Variants in GBF1 observed in about 807,000 individuals in gnomAD.
GBF1 encodes golgi brefeldin A resistant guanine nucleotide exchange factor 1, also known as Golgi-specific brefeldin A-resistance guanine nucleotide exchange factor 1.
Under a neutral mutation model 210.5 loss-of-function variants are expected in GBF1, and 114 were observed. The observed-to-expected ratio is 0.54, with a 90% CI of 0.47 to 0.63. The LOEUF is 0.63. GBF1 is among the 30% of genes least tolerant of loss of function. GBF1 has a pLI of 0.00. For missense variants in GBF1, 1,851 were observed against 2,357.7 expected (o/e 0.79, Z 4.45); for synonymous variants, 850 against 889.2 (o/e 0.96, Z 0.78).
chr10:102,355,687 A>T (rs527856050), intron 8 of GBF1, among the ~76,000 whole-genome samples: 1 of 152,312 alleles, frequency 6.6e-6, no homozygotes, highest in South Asian at 2.1e-4. Context: ...TCAATGACTG[A>T]CTGGCTTCTC....
intron 13 of GBF1, 164 bp downstream of exon 13, chr10:102,361,284 G>A (rs988950325): frequency 1.0e-5 from 6 of 596,892 alleles, no homozygotes; most frequent in Non-Finnish European, 6.0e-6. Flanking sequence ...GGCCTCTTTT[G>A]TGGAAAAGTT....
chr10:102,351,216 C>T, intron 4 of GBF1, 40 bp from the exon 5 acceptor site: 1 of 1,109,554 alleles, frequency 9.0e-7, no homozygotes, highest in Middle Eastern at 2.0e-4. Context: ...TATCTCTCTC[C>T]TCTCCACATC....
At chr10:102,338,524 G>A (rs1396463353) in intron 3 of GBF1, among the ~76,000 whole-genome samples, 1 of 151,958 alleles carries the variant, frequency 6.6e-6, no homozygotes. Flanking sequence ...GATTAGAGGT[G>A]TGAGCCACTG....
intron 3 of GBF1, among the ~76,000 whole-genome samples, chr10:102,270,786 G>T (rs961885012): frequency 2.0e-5 from 3 of 152,054 alleles, no homozygotes; most frequent in Non-Finnish European, 4.4e-5. Context: ...AACTTTTATA[G>T]CTATAATTGG....
chr10:102,304,989 AAAAGAAAGAAAGAAAG>A (rs141632616), intron 3 of GBF1, among the ~76,000 whole-genome samples: 6 of 148,704 alleles, frequency 4.0e-5, no homozygotes, highest in South Asian at 2.1e-4. Context: ...CTCTTAAAAA[AAAAGAAAGAAAGAAAG>A]AAAGAAAGAA....
At chr10:102,380,875 G>T (rs778868234) in intron 38 of GBF1, among the ~76,000 whole-genome samples, 189 bp downstream of exon 38, 1 of 152,160 alleles carries the variant, frequency 6.6e-6, no homozygotes, top group African/African-American at 2.4e-5. Context: ...AGGTGTGGCG[G>T]TGGGTGCCTG....
chr10:102,243,305 A>G (rs1394240594), upstream of GBF1, among the ~76,000 whole-genome samples: 3 of 152,188 alleles, frequency 2.0e-5, no homozygotes, highest in Non-Finnish European at 2.9e-5. Context: ...GGATCAGCTT[A>G]TGTGTTGTCT....
At chr10:102,232,141 G>A in the GBF1 span, 2 of 1,011,474 alleles carry the variant, frequency 2.0e-6, no homozygotes, top group Non-Finnish European at 3.0e-6. Flanking sequence ...TAAAATCTCC[G>A]GCTTAGCTAG....
chr10:102,331,665 T>C (rs559472070), intron 3 of GBF1, among the ~76,000 whole-genome samples: 14 of 151,934 alleles, frequency 9.2e-5, no homozygotes, highest in African/African-American at 3.1e-4. Flanking sequence ...GTGAACACTT[T>C]CCAAAGGGTT....
At position 102,363,390 on chromosome 10, in the gene GBF1, T is replaced by C. The variant is rs199587971; in HGVS notation, c.2011T>C (p.Ser671Pro). ...GCSDLEEAVD[S>P]GADKKFARKP... ...CAGTGATCTGGAGGAAGCTGTTGAC[T>C]CTGGGGGTGGGTACTGGGTGTCCAT... The change falls in exon 16 of 40, where the codon TCT becomes CCT. Residue 671 changes from serine to proline, a missense_variant. Physicochemically the swap from Ser to Pro is moderately conservative, Grantham distance 74. Transcript: ENST00000369983. The surrounding 1 kb of genome is among the most constrained non-coding windows in gnomAD (Gnocchi z 4.2). The C allele has an allele frequency of 1.1e-5, 18 of 1,613,160 alleles. No individual in the cohort carries two copies. The highest frequency in any genetic ancestry group is 1.7e-5 in the Admixed American group (1 of 59,938).
At chr10:102,258,529 T>C (rs2072746292) in intron 1 of GBF1, among the ~76,000 whole-genome samples, 1 of 148,558 alleles carries the variant, frequency 6.7e-6, no homozygotes, top group South Asian at 2.2e-4. Context: ...CCCAGCACTT[T>C]GGGAGGCCCA....
intron 12 of GBF1, among the ~76,000 whole-genome samples, chr10:102,360,748 C>T (rs1341629351): frequency 1.3e-5 from 2 of 152,104 alleles, no homozygotes; most frequent in Non-Finnish European, 2.9e-5. Context: ...GAGGCCAAGG[C>T]GGGCGGATCA....
chr10:102,338,343 C>T (rs1389112065), intron 3 of GBF1, among the ~76,000 whole-genome samples: 4 of 148,750 alleles, frequency 2.7e-5, no homozygotes, highest in South Asian at 4.3e-4. Context: ...CAGGTTGAAG[C>T]AATTCTCATG....
chr10:102,380,713 A>T, intron 38 of GBF1, 27 bp downstream of exon 38: 1 of 1,562,158 alleles, frequency 6.4e-7, no homozygotes, highest in Non-Finnish European at 8.7e-7. Flanking sequence ...AGCTTTATCA[A>T]AAAGAGTCTC....
intron 3 of GBF1, among the ~76,000 whole-genome samples, chr10:102,325,704 C>T (rs184994521): frequency 1.3e-5 from 2 of 151,756 alleles, no homozygotes; most frequent in Admixed American, 1.3e-4. Flanking sequence ...GGCTGGAGTG[C>T]GGTGGCACAA....
At chr10:102,248,801 A>G (rs1304151104) in intron 1 of GBF1, among the ~76,000 whole-genome samples, 2 of 151,952 alleles carry the variant, frequency 1.3e-5, no homozygotes, top group African/African-American at 4.8e-5. Flanking sequence ...TGCCCAGCTA[A>G]TTTTTTAATA....
intron 28 of GBF1, 28 bp downstream of exon 28, chr10:102,370,506 C>T: frequency 1.9e-6 from 3 of 1,543,972 alleles, no homozygotes; most frequent in Non-Finnish European, 2.7e-6. Context: ...TTTAGGCAGA[C>T]CCCATGCTGG....
At position 102,359,128 on chromosome 10, in the gene GBF1, G is replaced by A. The variant is rs111999911; in HGVS notation, c.1012-139G>A. 3.9e-3 allele frequency: 2,609 copies of A among 667,656 alleles called. 44 individuals are homozygous for A. The African/African-American group carries it at 0.042, about 11-fold the overall frequency. The allele number at this position is 667,656 out of a possible 1,614,324, so 41.4% of individuals were successfully genotyped here. The stretch of plus-strand genomic sequence containing the variant: ...CATACTCCTACCTGAGCCATCTTGC[G>A]GTGATTCATAAACCACTGAGTTGGC... On this transcript the variant is annotated intron_variant, in intron 10 of 39. Transcript: ENST00000369983.
At chr10:102,296,615 G>T (rs957187049) in intron 3 of GBF1, among the ~76,000 whole-genome samples, 26 of 152,100 alleles carry the variant, frequency 1.7e-4, no homozygotes, top group African/African-American at 6.3e-4. Context: ...AGTGGCGGAT[G>T]CCTGTAATCC....
Sources: gnomAD v4.1 joint callset for allele counts (sites outside exome capture counted in the v4.1 genomes callset) on GRCh38, gnomAD v4.1.1 for gene constraint, Gnocchi (gnomAD v3.1) non-coding constraint, MANE v1.5 for transcripts, NCBI Gene and HGNC (gene_info 2026-07-23, HGNC 2026-07-21) for gene names.